The following CTNNA3 variants were observed in gnomAD, a reference collection of about 807,000 sequenced individuals.
The protein encoded by CTNNA3 is catenin alpha-3.
CTNNA3 carries 76 observed loss-of-function variants against 95.7 expected under a neutral mutation model. The observed-to-expected ratio is 0.79, with a 90% CI of 0.66 to 0.96. The LOEUF (loss-of-function observed/expected upper bound fraction) is 0.96, where lower values mean the gene tolerates loss of function less well. Among genes scored for constraint, CTNNA3 ranks in the 40% least tolerant of loss-of-function variants. CTNNA3 has a pLI of 0.00. For missense variants in CTNNA3, 1,191 were observed against 1,089.8 expected (o/e 1.09, Z -1.31); for synonymous variants, 431 against 374.4 (o/e 1.15, Z -1.74).
At chr10:66,967,341 T>TAG (rs1849482329) in intron 7 of CTNNA3, among the ~76,000 whole-genome samples, 1 of 141,344 alleles carries the variant, frequency 7.1e-6, no homozygotes, top group African/African-American at 2.5e-5. Flanking sequence ...GACATATATA[T>TAG]ATATAGATAG....
intron 3 of CTNNA3, among the ~76,000 whole-genome samples, chr10:67,557,326 G>T (rs1841295247): frequency 6.6e-6 from 1 of 152,096 alleles, no homozygotes; most frequent in Admixed American, 6.5e-5. Flanking sequence ...GAACCCCATT[G>T]GTAAGATTAT....
rs1357614551 is a variant in CTNNA3 at position 66,743,983 on chromosome 10, A to AAAAAG, written c.1281+22280_1281+22281insCTTTT. Among the ~76,000 whole-genome samples, 86 of 149,606 alleles carry AAAAAG rather than the reference A, an allele frequency of 5.7e-4. No individual in the cohort carries two copies. In the East Asian group the frequency reaches 0.014, roughly 24 times the overall value. On this transcript the variant is annotated intron_variant, in intron 9 of 17. Coordinates refer to ENST00000433211, the MANE Select transcript of CTNNA3 (RefSeq NM_013266.4). Reference sequence around the variant, plus strand: ...CAGTGAGATTCCATCTCAAAAAAAAAAAAAAAAAAAAAAAAAGGAAAGAAG... The same window carrying AAAAAG: ...CAGTGAGATTCCATCTCAAAAAAAAAAAAAGAAAAAAAAAAAAAAAAGGAAAGAAG...
chr10:66,529,117 T>C (rs1010767913), intron 10 of CTNNA3, among the ~76,000 whole-genome samples: 3 of 152,032 alleles, frequency 2.0e-5, no homozygotes, highest in Admixed American at 1.3e-4. Flanking sequence ...TCACAATCAA[T>C]GTATTATTTA....
At chr10:66,039,617 C>T (rs1231627145) in intron 15 of CTNNA3, among the ~76,000 whole-genome samples, 1 of 152,168 alleles carries the variant, frequency 6.6e-6, no homozygotes, top group Non-Finnish European at 1.5e-5. Context: ...CTGACAAAAA[C>T]AGGCAGTGCA....
intron 4 of CTNNA3, among the ~76,000 whole-genome samples, chr10:67,524,395 CAAAAA>C (rs200850487): frequency 7.1e-4 from 50 of 70,276 alleles, no homozygotes; most frequent in East Asian, 1.8e-3. Context: ...GACTCTGTCT[CAAAAA>C]AAAAAAAAAA....
chr10:66,376,731 T>C (rs574477881), intron 12 of CTNNA3, among the ~76,000 whole-genome samples: 33 of 152,228 alleles, frequency 2.2e-4, no homozygotes, highest in African/African-American at 5.5e-4. Flanking sequence ...CTGAAGACTG[T>C]ATAAAAGAAA....
chr10:66,444,613 C>T (rs111432703), intron 11 of CTNNA3, among the ~76,000 whole-genome samples: 18 of 152,028 alleles, frequency 1.2e-4, no homozygotes, highest in African/African-American at 3.9e-4. Flanking sequence ...ACTTTACAGA[C>T]AAGCAAATGC....
At chr10:66,273,293 G>A (rs1194295056) in intron 13 of CTNNA3, among the ~76,000 whole-genome samples, 1 of 152,148 alleles carries the variant, frequency 6.6e-6, no homozygotes, top group Non-Finnish European at 1.5e-5. Context: ...AGACAACATG[G>A]ATCTGATGGA....
chr10:66,040,276 TG>T (rs2079657972), intron 15 of CTNNA3, among the ~76,000 whole-genome samples: 1 of 151,870 alleles, frequency 6.6e-6, no homozygotes, highest in South Asian at 2.1e-4. Context: ...CACTATTGGG[TG>T]GGAGTGTAAA....
intron 17 of CTNNA3, among the ~76,000 whole-genome samples, chr10:65,960,251 G>T (rs1053854343): frequency 6.6e-6 from 1 of 151,890 alleles, no homozygotes; most frequent in African/African-American, 2.4e-5. Context: ...GATTCAGGGG[G>T]TACGGCTGGG....
intron 5 of CTNNA3, among the ~76,000 whole-genome samples, chr10:67,416,550 G>C (rs930005772): frequency 1.4e-5 from 2 of 145,940 alleles, no homozygotes; most frequent in African/African-American, 5.1e-5. Context: ...GGAGCTTGCA[G>C]TGAGCCGAGA....
intron 7 of CTNNA3, among the ~76,000 whole-genome samples, chr10:66,860,599 TTC>T (rs1364864909): frequency 6.6e-6 from 1 of 152,186 alleles, no homozygotes; most frequent in African/African-American, 2.4e-5. Context: ...TAAGCAATGT[TTC>T]TCTGTTCCTG....
At chr10:67,706,432 G>A (rs1256718017) in intron 1 of CTNNA3, among the ~76,000 whole-genome samples, 1 of 151,950 alleles carries the variant, frequency 6.6e-6, no homozygotes, top group African/African-American at 2.4e-5. Flanking sequence ...GAAAAATGGG[G>A]GTACTCAGTT....
At chr10:67,669,408 A>G (rs947214944) in intron 1 of CTNNA3, among the ~76,000 whole-genome samples, 20 of 152,192 alleles carry the variant, frequency 1.3e-4, no homozygotes, top group African/African-American at 4.8e-4. Context: ...AAGATTAACT[A>G]TAGAAGGAAT....
chr10:67,061,010 G>T (rs1808308688), intron 7 of CTNNA3, among the ~76,000 whole-genome samples: 1 of 151,984 alleles, frequency 6.6e-6, no homozygotes, highest in Non-Finnish European at 1.5e-5. Flanking sequence ...AGAGTCATGG[G>T]AACCTTCCTT....
intron 12 of CTNNA3, among the ~76,000 whole-genome samples, chr10:66,347,422 G>T (rs2092531516): frequency 6.6e-6 from 1 of 151,966 alleles, no homozygotes; most frequent in South Asian, 2.1e-4. Flanking sequence ...ACCAGCTGGG[G>T]CAAGATTTTT....
At chr10:66,939,171 TC>T (rs960533515) in intron 7 of CTNNA3, among the ~76,000 whole-genome samples, 3 of 152,204 alleles carry the variant, frequency 2.0e-5, no homozygotes, top group African/African-American at 7.2e-5. Context: ...GTAATGCTCA[TC>T]TTTTTTACCT....
chr10:66,627,817 G>A lies in CTNNA3; in HGVS notation c.1282-6033C>T, dbSNP rs538867891. On this transcript the variant is annotated intron_variant, in intron 9 of 17. Coordinates refer to ENST00000433211, the MANE Select transcript of CTNNA3 (RefSeq NM_013266.4). ...TCTATTAGAACATGTTACATATCAGGTACAAGAGAACATCTAATTCTTGAA... is the reference window on the plus strand; with the variant it reads ...TCTATTAGAACATGTTACATATCAGATACAAGAGAACATCTAATTCTTGAA... 4.6e-5 allele frequency among the ~76,000 whole-genome samples: 7 copies of A among 152,160 alleles called. No individual in the cohort carries two copies. In the East Asian group the frequency reaches 9.7e-4, roughly 21 times the overall value.
intron 7 of CTNNA3, among the ~76,000 whole-genome samples, chr10:67,112,019 A>T (rs971185526): frequency 1.3e-5 from 2 of 152,156 alleles, no homozygotes; most frequent in Non-Finnish European, 2.9e-5. Flanking sequence ...TCCCAAAAAA[A>T]AGTGTCAGAA....
Sources: allele counts gnomAD v4.1 joint callset (sites outside exome capture counted in the v4.1 genomes callset), GRCh38; gene constraint gnomAD v4.1.1; transcripts MANE v1.5; gene names NCBI Gene and HGNC (gene_info 2026-07-23, HGNC 2026-07-21).